NT5C2: variants seen among roughly 807,000 people sequenced by gnomAD.
The protein encoded by NT5C2 is cytosolic purine 5'-nucleotidase.
A neutral mutation model predicts 76.1 loss-of-function variants in NT5C2; 58 were observed. The ratio of observed to expected loss-of-function variants is 0.76; its 90% CI spans 0.62 to 0.95. The LOEUF is 0.95. Among genes scored for constraint, NT5C2 ranks in the 40% least tolerant of loss-of-function variants. The probability of loss-of-function intolerance (pLI) is 0.00; values close to 1 mark genes in which losing one functional copy is unlikely to be tolerated. For synonymous variants in NT5C2, 229 were observed against 237.4 expected (o/e 0.96, Z 0.32); for missense variants, 478 against 690.3 (o/e 0.69, Z 3.45).
rs184481396 is a variant in NT5C2 at position 103,114,396 on chromosome 10, G to A, written c.176-7690C>T. ...TGCACTCCAGCCTGGGTGACAGAGC[G>A]AGACTCTGTCTCAAAAATAAATAAA... On this transcript the variant is annotated intron_variant, in intron 4 of 18. Transcript: ENST00000404739. Among the ~76,000 whole-genome samples the A allele has an allele frequency of 6.6e-4, 101 of 152,062 alleles. 1 individual carries two copies. In the East Asian group the frequency reaches 0.014, roughly 20 times the overall value.
At chr10:103,179,332 T>C (rs1310906542) in intron 2 of NT5C2, among the ~76,000 whole-genome samples, 1 of 152,122 alleles carries the variant, frequency 6.6e-6, no homozygotes, top group Non-Finnish European at 1.5e-5. Context: ...AAGAACCCTC[T>C]CTTGGGGTCT....
chr10:103,180,677 C>T (rs1485303826), intron 2 of NT5C2, among the ~76,000 whole-genome samples: 2 of 151,984 alleles, frequency 1.3e-5, no homozygotes, highest in African/African-American at 4.8e-5. Flanking sequence ...AAGATTGTCT[C>T]GTGCCACTGC....
At chr10:103,107,683 A>G (rs1322886885) in intron 4 of NT5C2, among the ~76,000 whole-genome samples, 1 of 151,852 alleles carries the variant, frequency 6.6e-6, no homozygotes, top group Non-Finnish European at 1.5e-5. Context: ...AAAAAAAAAA[A>G]TATGCAAATG....
intron 2 of NT5C2, 51 bp downstream of exon 2, chr10:103,181,133 AC>A (rs1280941136): frequency 6.6e-6 from 1 of 152,002 alleles, no homozygotes; most frequent in East Asian, 1.9e-4. Context: ...TTTCATGGGT[AC>A]ATATATATAT....
chr10:103,125,047 T>C (rs2076405317), intron 4 of NT5C2: 2 of 261,502 alleles, frequency 7.6e-6, no homozygotes, highest in African/African-American at 2.3e-5. Context: ...TTTTCCCTCC[T>C]GTGCATTTTC....
At chr10:103,123,315 G>A (rs2076049682) in intron 4 of NT5C2, among the ~76,000 whole-genome samples, 3 of 152,026 alleles carry the variant, frequency 2.0e-5, no homozygotes, top group Non-Finnish European at 2.9e-5. Context: ...AAGTTCCAGG[G>A]TATACGTGCA....
intron 4 of NT5C2, among the ~76,000 whole-genome samples, chr10:103,131,342 C>T (rs1374765114): frequency 6.6e-6 from 1 of 152,198 alleles, no homozygotes; most frequent in African/African-American, 2.4e-5. Context: ...ATAGTTCATT[C>T]TATGGTCTCA....
At chr10:103,174,165 G>T (rs975502375) in intron 3 of NT5C2, among the ~76,000 whole-genome samples, 1 of 151,900 alleles carries the variant, frequency 6.6e-6, no homozygotes, top group Non-Finnish European at 1.5e-5. Context: ...CCAGCACTTC[G>T]GGAGGCTGAG....
rs2065993674 is a variant in NT5C2, at chr10:103,088,597, G to A, written c.*1075C>T. On this transcript the variant is annotated 3_prime_UTR_variant, in exon 19 of 19. Transcript: ENST00000404739. ...AGATGGGGTTTCTCCATGTTGGTAA[G>A]GCTGGTCTCGAACTCCCGACCTCAG... 1 of 158,628 alleles carries A rather than the reference G, an allele frequency of 6.3e-6. No homozygotes were observed. The highest frequency in any genetic ancestry group is 2.4e-5 in the African/African-American group (1 of 41,638). The allele number at this position is 158,628 out of a possible 1,614,324, so 9.8% of individuals were successfully genotyped here.
At chr10:103,104,803 A>G (rs1164165447) in intron 6 of NT5C2, among the ~76,000 whole-genome samples, 1 of 152,182 alleles carries the variant, frequency 6.6e-6, no homozygotes. Flanking sequence ...ACAAAAAAAG[A>G]CATTGTCTTT....
Position 103,089,628 on chromosome 10 carries a change from G to A in NT5C2, c.*44C>T, listed in dbSNP as rs191195125. On this transcript the variant is annotated 3_prime_UTR_variant, in exon 19 of 19. Coordinates refer to ENST00000404739, the MANE Select transcript of NT5C2 (RefSeq NM_001351169.2). ...GACCTCGTTTGTTCCTGTGAGTCCT[G>A]CCAGGACTTGTTTAATGGGTGCTTG... The A allele has an allele frequency of 2.6e-6, 4 of 1,536,448 alleles. No homozygotes were observed. Among genetic ancestry groups the A allele is most frequent in the Admixed American group, 2.0e-5 (1 of 50,094 alleles).
intron 4 of NT5C2, among the ~76,000 whole-genome samples, chr10:103,115,246 A>C (rs2135511110): frequency 6.6e-6 from 1 of 152,070 alleles, no homozygotes; most frequent in Non-Finnish European, 1.5e-5. Context: ...ACTAAAATAC[A>C]AAAAAATTAG....
At chr10:103,188,273 A>C (rs1803406219) in intron 1 of NT5C2, among the ~76,000 whole-genome samples, 1 of 152,136 alleles carries the variant, frequency 6.6e-6, no homozygotes, top group Non-Finnish European at 1.5e-5. Context: ...CAGACGAATC[A>C]CTTGAACCCA....
At chr10:103,131,457 C>T (rs1196022482) in intron 4 of NT5C2, among the ~76,000 whole-genome samples, 4 of 152,134 alleles carry the variant, frequency 2.6e-5, no homozygotes, top group Non-Finnish European at 4.4e-5. Flanking sequence ...TTTATAAAGG[C>T]GGAGCACTTG....
intron 3 of NT5C2, among the ~76,000 whole-genome samples, chr10:103,174,584 C>CA (rs1156908343): frequency 2.6e-5 from 4 of 151,534 alleles, no homozygotes; most frequent in Non-Finnish European, 5.9e-5. Context: ...AGCACTCCCT[C>CA]AAAAAAAGAA....
chr10:103,097,906 A>G, intron 10 of NT5C2: 1 of 437,340 alleles, frequency 2.3e-6, no homozygotes, highest in Non-Finnish European at 4.4e-6. Flanking sequence ...GCCTGGAAAG[A>G]AAAATATCTT....
At chr10:103,128,105 A>G (rs949966166) in intron 4 of NT5C2, among the ~76,000 whole-genome samples, 2 of 133,366 alleles carry the variant, frequency 1.5e-5, no homozygotes, top group African/African-American at 2.7e-5. Context: ...CCCTCTCCCC[A>G]CGGTCTCCCT....
chr10:103,167,074 G>T (rs1045092777), intron 3 of NT5C2, among the ~76,000 whole-genome samples: 2 of 151,244 alleles, frequency 1.3e-5, no homozygotes, highest in Non-Finnish European at 2.9e-5. Context: ...GGAGTGCAGT[G>T]GTAAAATCTC....
chr10:103,113,699 A>G (rs1036875401), intron 4 of NT5C2, among the ~76,000 whole-genome samples: 1 of 152,202 alleles, frequency 6.6e-6, no homozygotes, highest in Non-Finnish European at 1.5e-5. Context: ...GATATTTATA[A>G]TAAGTTTTAG....
Sources: allele counts gnomAD v4.1 joint callset (sites outside exome capture counted in the v4.1 genomes callset), GRCh38; gene constraint gnomAD v4.1.1; transcripts MANE v1.5; gene names NCBI Gene and HGNC (gene_info 2026-07-23, HGNC 2026-07-21).